FCGR2A: variants seen among roughly 807,000 people sequenced by gnomAD.
FCGR2A encodes Fc gamma receptor IIa, also known as low affinity immunoglobulin gamma Fc region receptor II-a.
In FCGR2A, 18 loss-of-function variants were observed where a neutral mutation model predicts 29.3. The ratio of observed to expected loss-of-function variants is 0.62; its 90% CI spans 0.43 to 0.91. The LOEUF (loss-of-function observed/expected upper bound fraction) is 0.91, where lower values mean the gene tolerates loss of function less well. Ranked by LOEUF, FCGR2A falls within the 40% of genes least tolerant of loss-of-function variation. The probability of loss-of-function intolerance (pLI) is 0.00; values close to 1 mark genes in which losing one functional copy is unlikely to be tolerated. For synonymous variants in FCGR2A, 126 were observed against 144.8 expected (o/e 0.87, Z 0.93); for missense variants, 287 against 393.0 (o/e 0.73, Z 2.28).
intron 3 of FCGR2A, among the ~76,000 whole-genome samples, chr1:161,508,141 A>G (rs2102462022): frequency 6.6e-6 from 1 of 151,786 alleles, no homozygotes; most frequent in East Asian, 1.9e-4. Context: ...TTAGAGAGAA[A>G]CTACCTAGTC....
Position 161,518,784 on chromosome 1 carries a change from T to C in FCGR2A, c.*636T>C, listed in dbSNP as rs1676302246. 6.4e-6 allele frequency: 1 copy of C among 155,590 alleles called. No homozygotes were observed. Among genetic ancestry groups the C allele is most frequent in the African/African-American group, 2.4e-5 (1 of 41,404 alleles). The allele number at this position is 155,590 out of a possible 1,614,324, so 9.6% of individuals were successfully genotyped here. On this transcript the variant is annotated 3_prime_UTR_variant, in exon 7 of 7. Transcript: ENST00000271450. ...CCATCATACCCAGCTAATTTTTGTATTTTTTATTTTTTTTTTTTAGTAGAG... is the reference window on the plus strand; with the variant it reads ...CCATCATACCCAGCTAATTTTTGTACTTTTTATTTTTTTTTTTTAGTAGAG...
chr1:161,505,857 A>G (rs1675349780), intron 1 of FCGR2A, 130 bp from the exon 2 acceptor site: 2 of 886,834 alleles, frequency 2.3e-6, no homozygotes, highest in Admixed American at 3.6e-5. Flanking sequence ...GATCAACTGG[A>G]AACAGGATCT....
At chr1:161,514,490 T>C (rs6427597) in intron 6 of FCGR2A, 17 of 175,452 alleles carry the variant, frequency 9.7e-5, no homozygotes, top group African/African-American at 3.0e-4. Context: ...AGAAGTAGGA[T>C]ATAAAGTAGA....
intron 5 of FCGR2A, among the ~76,000 whole-genome samples, chr1:161,512,570 A>G (rs1813494): frequency 0.012 from 1,656 of 139,148 alleles, 72 homozygotes; most frequent in Middle Eastern, 0.041. Flanking sequence ...AGGTGGGAGT[A>G]TGTAAAGGAA....
chr1:161,519,585 T>A lies in FCGR2A; in HGVS notation c.*1437T>A, dbSNP rs1207632393. On this transcript the variant is annotated 3_prime_UTR_variant, in exon 7 of 7. Transcript: ENST00000271450. ...TAACCAAAACATTCTGTTTACCTTT[T>A]CAGGGCTGTATTGATTGGGGTGTAG... The A allele has an allele frequency of 6.6e-6, 1 of 152,102 alleles. No individual in the cohort carries two copies. The highest frequency in any genetic ancestry group is 2.4e-5 in the African/African-American group (1 of 41,368). 9.4% of individuals were successfully genotyped at this position (152,102 alleles called of 1,614,324 possible).
chr1:161,515,911 T>G (rs1023104970), intron 6 of FCGR2A, among the ~76,000 whole-genome samples: 1 of 152,198 alleles, frequency 6.6e-6, no homozygotes, highest in Non-Finnish European at 1.5e-5. Context: ...ATGGTATTTA[T>G]TAGAAACAGT....
At chr1:161,523,310 G>T (rs1393127057), downstream of FCGR2A, 1 of 152,166 alleles carries the variant, frequency 6.6e-6, no homozygotes, top group African/African-American at 2.4e-5. Context: ...AACGCCAGCA[G>T]ATCTGAATGG....
Position 161,513,931 on chromosome 1 carries a change from A to C in FCGR2A, c.779A>C (p.Glu260Ala). The change falls in exon 6 of 7, where the codon GAG becomes GCG. Residue 260 changes from glutamate to alanine, a missense_variant and splice_region_variant. Physicochemically the swap from Glu to Ala is moderately radical, Grantham distance 107. This residue lies in a region of FCGR2A where 72 missense variants were observed against 68.6 expected (regional missense o/e 1.05). Coordinates refer to ENST00000271450, the MANE Select transcript of FCGR2A (RefSeq NM_001136219.3). ...STDPVKAAQF[E>A]PPGRQMIAIR... ...GATCCTGTGAAGGCTGCCCAATTTG[A>C]GGTGAGTAATCCCAGCCATCTCCTT... 6.2e-7 allele frequency: 1 copy of C among 1,614,160 alleles called. No individual in the cohort carries two copies. Among genetic ancestry groups the C allele is most frequent in the Non-Finnish European group, 8.5e-7 (1 of 1,180,036 alleles).
intron 6 of FCGR2A, among the ~76,000 whole-genome samples, chr1:161,516,053 A>G (rs1389255635): frequency 6.6e-6 from 1 of 152,112 alleles, no homozygotes; most frequent in African/African-American, 2.4e-5. Flanking sequence ...AAATGAGAAT[A>G]TTGGTATTAA....
chr1:161,520,293 G>T (rs1676402187), downstream of FCGR2A, among the ~76,000 whole-genome samples: 1 of 152,162 alleles, frequency 6.6e-6, no homozygotes, highest in African/African-American at 2.4e-5. Context: ...ACAGCAGAAG[G>T]CAAAGGAGAA....
intron 4 of FCGR2A, chr1:161,510,485 A>T: frequency 2.2e-6 from 1 of 448,980 alleles, no homozygotes; most frequent in Non-Finnish European, 4.1e-6. Flanking sequence ...TGTGCTCCAT[A>T]GAGTAATGAT....
rs1675396681 is a variant in FCGR2A at position 161,506,398 on chromosome 1, T to C, written c.171T>C (p.Ser57=). 7 of 1,614,092 alleles carry C rather than the reference T, an allele frequency of 4.3e-6. No individual in the cohort carries two copies. The Admixed American group carries it at 6.7e-5, about 15-fold the overall frequency. Reference sequence around the variant, plus strand: ...GGATCAACGTGCTCCAGGAGGACTCTGTGACTCTGACATGCCAGGGGGCTC... The same window carrying C: ...GGATCAACGTGCTCCAGGAGGACTCCGTGACTCTGACATGCCAGGGGGCTC... ...PPWINVLQED[S]VTLTCQGARS... The change falls in exon 3 of 7, where the codon TCT becomes TCC. Residue 57 remains serine (S), a synonymous_variant. Transcript: ENST00000271450.
chr1:161,522,111 G>T (rs1448821919), downstream of FCGR2A, among the ~76,000 whole-genome samples: 2 of 152,026 alleles, frequency 1.3e-5, no homozygotes, highest in Admixed American at 6.5e-5. Flanking sequence ...GGTAGAGGTG[G>T]GACTGATTGA....
chr1:161,511,628 A>G (rs575384192), intron 5 of FCGR2A, among the ~76,000 whole-genome samples: 94 of 152,220 alleles, frequency 6.2e-4, no homozygotes, highest in South Asian at 3.9e-3. Flanking sequence ...GAGCAGGGGA[A>G]CTGGGGGTGG....
rs55722329 is a variant in FCGR2A, at chr1:161,510,070, C to T, written c.615C>T (p.Val205=). 223 of 1,613,912 alleles carry T rather than the reference C, an allele frequency of 1.4e-4. 2 individuals are homozygous for T. The East Asian group carries it at 4.9e-3, about 35-fold the overall frequency. ...LFSSKPVTIT[V]QVPSMGSSSP... is the part of the protein sequence containing the mutation. The stretch of plus-strand genomic sequence containing the variant: ...CATCCAAGCCTGTGACCATCACTGT[C>T]CAAGGTATGGGGAGTCTGCCAAGAT... The change falls in exon 4 of 7, where the codon GTC becomes GTT. Residue 205 remains valine (V), a synonymous_variant. Coordinates refer to ENST00000271450, the MANE Select transcript of FCGR2A (RefSeq NM_001136219.3).
chr1:161,518,229 T>C lies in FCGR2A; in HGVS notation c.*81T>C. ...AGAGGGGAATTGTTAAAGGAAAATT[T>C]AAATGGAGACTGGAAAAATCCTGAG... On this transcript the variant is annotated 3_prime_UTR_variant, in exon 7 of 7. Coordinates refer to ENST00000271450, the MANE Select transcript of FCGR2A (RefSeq NM_001136219.3). 6.4e-7 allele frequency: 1 copy of C among 1,554,708 alleles called. No individual in the cohort carries two copies. Among genetic ancestry groups the C allele is most frequent in the South Asian group, 1.2e-5 (1 of 80,784 alleles).
Position 161,519,524 on chromosome 1 carries a change from A to G in FCGR2A, c.*1376A>G, listed in dbSNP as rs1349137221. ...TATTGATGACCTATTTTATTTTTCT[A>G]TAATGATCATATATTACCTTTGTAA... On this transcript the variant is annotated 3_prime_UTR_variant, in exon 7 of 7. Coordinates refer to ENST00000271450, the MANE Select transcript of FCGR2A (RefSeq NM_001136219.3). 6.6e-6 allele frequency: 1 copy of G among 152,214 alleles called. No individual in the cohort carries two copies. Among genetic ancestry groups the G allele is most frequent in the Non-Finnish European group, 1.5e-5 (1 of 68,026 alleles). 9.4% of individuals were successfully genotyped at this position (152,214 alleles called of 1,614,324 possible).
chr1:161,514,064 C>T, intron 6 of FCGR2A, 132 bp downstream of exon 6: 2 of 1,276,588 alleles, frequency 1.6e-6, no homozygotes, highest in Admixed American at 1.7e-5. Context: ...ACAAAGCCAC[C>T]CAGGCCTTAG....
chr1:161,518,127 C>T lies in FCGR2A; in HGVS notation c.933C>T (p.Asp311=), dbSNP rs774769908. The T allele has an allele frequency of 1.2e-6, 2 of 1,613,764 alleles. No homozygotes were observed. The highest frequency in any genetic ancestry group is 1.6e-4 in the Middle Eastern group (1 of 6,062). ...TCTACCTGACTCTTCCTCCCAACGA[C>T]CATGTCAACAGTAATAACTAAAGAG... ...KNIYLTLPPN[D]HVNSNN The change falls in exon 7 of 7, where the codon GAC becomes GAT. Residue 311 remains aspartate (D), a synonymous_variant. Coordinates refer to ENST00000271450, the MANE Select transcript of FCGR2A (RefSeq NM_001136219.3).
Sources: gnomAD v4.1 joint callset for allele counts (sites outside exome capture counted in the v4.1 genomes callset) on GRCh38, gnomAD v4.1.1 for gene constraint, gnomAD v4.1.1 regional missense constraint, MANE v1.5 for transcripts, NCBI Gene and HGNC (gene_info 2026-07-23, HGNC 2026-07-21) for gene names.